Variants in ASAH1 observed in about 807,000 individuals in gnomAD.
ASAH1 encodes N-acylsphingosine amidohydrolase 1, also known as acid ceramidase.
In ASAH1, 70 loss-of-function variants were observed where a neutral mutation model predicts 59.5. The ratio of observed to expected loss-of-function variants is 1.18; its 90% confidence interval spans 0.97 to 1.43. The LOEUF (loss-of-function observed/expected upper bound fraction) is 1.43, where lower values mean the gene tolerates loss of function less well. Among genes scored for constraint, ASAH1 ranks in the 40% most tolerant of loss-of-function variants. The pLI, the probability that ASAH1 is intolerant of heterozygous loss-of-function variation, is 0.00. For synonymous variants in ASAH1, 213 were observed against 166.5 expected (o/e 1.28, Z -2.15); for missense variants, 660 against 482.5 (o/e 1.37, Z -3.45).
chr8:18,064,234 G>A, intron 6 of ASAH1: 1 of 584,824 alleles, frequency 1.7e-6, no homozygotes. Context: ...TTTCTTCCAG[G>A]TTTTTTGCAT....
intron 12 of ASAH1, 55 bp from the exon 13 acceptor site, chr8:18,058,946 C>G: frequency 6.8e-7 from 1 of 1,468,452 alleles, no homozygotes; most frequent in Non-Finnish European, 9.5e-7. Context: ...AGCCAACAGC[C>G]TTATCTACAC....
rs759918183 is a variant in ASAH1 at position 18,073,297 on chromosome 8, T to TA, written c.126-1908dup. On this transcript the variant is annotated intron_variant, in intron 2 of 13. Transcript: ENST00000637790. ...AGACACTATATGAAAAATGCAAAAA[T>TA]AAAAAAAACACTTAGCAGCATTGGT... 172 of 1,559,586 alleles carry TA rather than the reference T, an allele frequency of 1.1e-4. 1 individual carries two copies. Among genetic ancestry groups the TA allele is most frequent in the East Asian group, 1.1e-3 (48 of 44,240 alleles).
chr8:18,056,088 G>A lies in ASAH1; in HGVS notation c.*1446C>T, dbSNP rs1799460699. ...CCTGACTTCATTTATGTAAGAGGTA[G>A]AAAATCTGAGTAAAGTTTTTTTTTC... On this transcript the variant is annotated 3_prime_UTR_variant, in exon 14 of 14. Transcript: ENST00000637790. 1 of 152,114 alleles carries A rather than the reference G, an allele frequency of 6.6e-6. No individual in the cohort carries two copies. The highest frequency in any genetic ancestry group is 2.4e-5 in the African/African-American group (1 of 41,430). The allele number at this position is 152,114 out of a possible 1,614,324, so 9.4% of individuals were successfully genotyped here.
At chr8:18,083,582 G>A (rs1285668537) in intron 1 of ASAH1, among the ~76,000 whole-genome samples, 1 of 152,236 alleles carries the variant, frequency 6.6e-6, no homozygotes, top group Non-Finnish European at 1.5e-5. Flanking sequence ...ACTTCTTCGG[G>A]AGAAAGCACC....
chr8:18,082,940 T>C (rs566397319), intron 1 of ASAH1, among the ~76,000 whole-genome samples: 1 of 152,322 alleles, frequency 6.6e-6, no homozygotes, highest in South Asian at 2.1e-4. Context: ...TCCACATACA[T>C]GTTCTGTGTA....
rs770940213 is a variant in ASAH1, at chr8:18,067,281, G to A, written c.321C>T (p.Asn107=). 6.3e-7 allele frequency: 1 copy of A among 1,598,572 alleles called. No homozygotes were observed. Among genetic ancestry groups the A allele is most frequent in the South Asian group, 1.1e-5 (1 of 87,172 alleles). Residue 107 remains asparagine, a synonymous_variant, in exon 5 of 14, where the codon AAC becomes AAT. Transcript: ENST00000637790. ...TTTCCTCTTCAAAAGGGCCAGGAAA[G>A]TTGCCAAGTAGGCCAGGCTGGAAAA... is the stretch of plus-strand genomic sequence containing the variant. The part of the protein sequence containing the change: ...VDEKLPGLLG[N]FPGPFEEEMK...
chr8:18,075,363 T>C, intron 2 of ASAH1, 178 bp downstream of exon 2: 1 of 737,524 alleles, frequency 1.4e-6, no homozygotes, highest in Non-Finnish European at 2.5e-6. Flanking sequence ...TATTTTCATA[T>C]TTGTCCAAGA....
At chr8:18,058,041 T>G (rs75698029) in intron 13 of ASAH1, 1 of 156,162 alleles carries the variant, frequency 6.4e-6, no homozygotes, top group Admixed American at 6.5e-5. Context: ...CCGTGGAGCT[T>G]TGGCTATCCC....
At chr8:18,082,162 C>T (rs566622225) in intron 1 of ASAH1, among the ~76,000 whole-genome samples, 101 of 152,316 alleles carry the variant, frequency 6.6e-4, no homozygotes, top group Non-Finnish European at 1.4e-3. Context: ...CCCAAAGTGA[C>T]ACCAGTGGCC....
At chr8:18,082,587 T>C (rs1204770454) in intron 1 of ASAH1, 1 of 152,308 alleles carries the variant, frequency 6.6e-6, no homozygotes, top group East Asian at 1.9e-4. Context: ...CTGTTCCTTC[T>C]TTACTCAGTC....
At chr8:18,059,137 A>C (rs925487345) in intron 12 of ASAH1, 10 of 778,406 alleles carry the variant, frequency 1.3e-5, no homozygotes, top group Non-Finnish European at 2.0e-5. Flanking sequence ...AGTGGTATCC[A>C]GCATTAGAAC....
At chr8:18,080,987 G>C (rs1800628505) in intron 1 of ASAH1, among the ~76,000 whole-genome samples, 1 of 152,028 alleles carries the variant, frequency 6.6e-6, no homozygotes, top group Admixed American at 6.6e-5. Flanking sequence ...TGCTCCAAGG[G>C]CTTCAAATAT....
At chr8:18,077,586 CAAA>C (rs1290407396) in intron 1 of ASAH1, among the ~76,000 whole-genome samples, 3 of 152,148 alleles carry the variant, frequency 2.0e-5, no homozygotes, top group Non-Finnish European at 4.4e-5. Context: ...AAAAATCACT[CAAA>C]AATCACATGC....
At chr8:18,083,814 G>T in intron 1 of ASAH1, 167 bp downstream of exon 1, 1 of 1,405,946 alleles carries the variant, frequency 7.1e-7, no homozygotes, top group Non-Finnish European at 9.5e-7. Flanking sequence ...GACGGGGTTC[G>T]CCAGCCCGCT....
At chr8:18,080,335 G>C (rs531343349) in intron 1 of ASAH1, among the ~76,000 whole-genome samples, 3 of 152,202 alleles carry the variant, frequency 2.0e-5, no homozygotes, top group Non-Finnish European at 2.9e-5. Context: ...AAGTGGGTCA[G>C]ATTTATTACG....
chr8:18,058,851 T>G lies in ASAH1; in HGVS notation c.1082A>C (p.Lys361Thr). 1.9e-6 allele frequency: 3 copies of G among 1,612,480 alleles called. No homozygotes were observed. The highest frequency in any genetic ancestry group is 2.5e-6 in the Non-Finnish European group (3 of 1,178,504). The change falls in exon 13 of 14, where the codon AAA (lysine) becomes ACA (threonine). Residue 361 changes from lysine (K) to threonine (T), a missense_variant. Transcript: ENST00000637790. ...FETMYDVLSTKPVLNKLTVYT... is the reference protein window; with the variant it reads ...FETMYDVLSTTPVLNKLTVYT... ...TTAAAATACCTTGTTGAGGACAGGTTTTGTTGACAGGACATCATACATGGT... is the reference window on the plus strand; with the variant it reads ...TTAAAATACCTTGTTGAGGACAGGTGTTGTTGACAGGACATCATACATGGT...
At chr8:18,079,404 G>A (rs1331976523) in intron 1 of ASAH1, among the ~76,000 whole-genome samples, 1 of 151,136 alleles carries the variant, frequency 6.6e-6, no homozygotes, top group Non-Finnish European at 1.5e-5. Flanking sequence ...CATTCATTAA[G>A]AGAAATTAAT....
intron 2 of ASAH1, 71 bp from the exon 3 acceptor site, chr8:18,071,461 A>G (rs1181581412): frequency 9.8e-7 from 1 of 1,024,656 alleles, no homozygotes; most frequent in East Asian, 2.7e-5. Context: ...ATACATCTAT[A>G]AGAATATATG....
At chr8:18,066,170 A>C (rs1443036152) in intron 5 of ASAH1, 1 of 152,110 alleles carries the variant, frequency 6.6e-6, no homozygotes, top group African/African-American at 2.4e-5. Flanking sequence ...AGATTCCTTA[A>C]ATGGATACAA....
Sources: gnomAD v4.1 joint callset for allele counts (sites outside exome capture counted in the v4.1 genomes callset) on GRCh38, gnomAD v4.1.1 for gene constraint, MANE v1.5 for transcripts, NCBI Gene and HGNC (gene_info 2026-07-23, HGNC 2026-07-21) for gene names.